Variants in FBXL5 observed in about 807,000 individuals in gnomAD.
The protein encoded by FBXL5 is F-box and leucine rich repeat protein 5.
In FBXL5, 26 loss-of-function variants were observed where a neutral mutation model predicts 78.3. The ratio of observed to expected loss-of-function variants is 0.33; its 90% CI spans 0.24 to 0.46. The LOEUF (loss-of-function observed/expected upper bound fraction) is 0.46, where lower values mean the gene tolerates loss of function less well. Among genes scored for constraint, FBXL5 ranks in the 20% least tolerant of loss-of-function variants. The probability of loss-of-function intolerance (pLI) is 1.00; values close to 1 mark genes in which losing one functional copy is unlikely to be tolerated. For missense variants in FBXL5, 710 were observed against 829.2 expected (o/e 0.86, Z 1.77); for synonymous variants, 295 against 282.5 (o/e 1.04, Z -0.45).
At chr4:15,617,331 CAGG>C (rs948125031) in intron 9 of FBXL5, among the ~76,000 whole-genome samples, 1 of 151,942 alleles carries the variant, frequency 6.6e-6, no homozygotes, top group Admixed American at 6.6e-5. Context: ...TGCCTGAGCT[CAGG>C]AGTTCTGGAC....
intron 9 of FBXL5, among the ~76,000 whole-genome samples, chr4:15,622,335 T>C (rs1406996636): frequency 1.3e-5 from 2 of 152,244 alleles, no homozygotes; most frequent in African/African-American, 4.8e-5. Context: ...GTACTTACTG[T>C]AACTGGTTGA....
intron 5 of FBXL5, among the ~76,000 whole-genome samples, chr4:15,634,529 G>A (rs1306612481): frequency 1.3e-5 from 2 of 151,918 alleles, no homozygotes; most frequent in Non-Finnish European, 2.9e-5. Flanking sequence ...ACCACACCTG[G>A]CTAATTTTTG....
chr4:15,628,460 C>T (rs1418357811), intron 6 of FBXL5, among the ~76,000 whole-genome samples: 3 of 152,086 alleles, frequency 2.0e-5, no homozygotes, highest in Non-Finnish European at 4.4e-5. Flanking sequence ...ATGTTTACAA[C>T]AGAATGTACT....
chr4:15,659,760 A>C, upstream of FBXL5: 1 of 984,366 alleles, frequency 1.0e-6, no homozygotes, highest in Non-Finnish European at 1.2e-6. Context: ...AATATTGCCA[A>C]GTGAACACCA....
chr4:15,618,739 G>A (rs1432511910), intron 9 of FBXL5, among the ~76,000 whole-genome samples: 2 of 152,102 alleles, frequency 1.3e-5, no homozygotes, highest in Non-Finnish European at 1.5e-5. Flanking sequence ...CTACTTGGGA[G>A]GGTGAGACAG....
rs1184702196 is a variant in FBXL5, at chr4:15,636,607, C to T, written c.653G>A (p.Ser218Asn). ...LPPEVMLSIF[S>N]YLNPQELCRC... is the part of the protein sequence containing the mutation. Reference sequence around the variant, plus strand: ...ACATAACTCTTGAGGATTAAGATAGCTGAAAATTGACAGCATTACCTCAGG... The same window carrying T: ...ACATAACTCTTGAGGATTAAGATAGTTGAAAATTGACAGCATTACCTCAGG... The change falls in exon 5 of 11, where the codon AGC (serine) becomes AAC (asparagine). Residue 218 changes from serine (S) to asparagine (N), a missense_variant. Physicochemically the swap from Ser to Asn is conservative, Grantham distance 46 (BLOSUM62 1). This residue lies in a region of FBXL5 where 517 missense variants were observed against 542.9 expected (regional missense o/e 0.95). Transcript: ENST00000341285. The T allele has an allele frequency of 6.2e-7, 1 of 1,613,950 alleles. No individual in the cohort carries two copies. The highest frequency in any genetic ancestry group is 8.5e-7 in the Non-Finnish European group (1 of 1,179,918).
intron 9 of FBXL5, among the ~76,000 whole-genome samples, chr4:15,615,013 C>A (rs1010664773): frequency 6.6e-6 from 1 of 152,172 alleles, no homozygotes; most frequent in Non-Finnish European, 1.5e-5. Flanking sequence ...TCAGAGCAGC[C>A]GGCCAGCCCT....
intron 10 of FBXL5, among the ~76,000 whole-genome samples, chr4:15,611,055 C>G (rs1418823781): frequency 6.6e-6 from 1 of 152,102 alleles, no homozygotes; most frequent in Non-Finnish European, 1.5e-5. Context: ...CATTCACTTT[C>G]ACCAACTACG....
chr4:15,680,044 AGTAT>A (rs1244418138), intron 1 of FBXL5, among the ~76,000 whole-genome samples: 4 of 152,148 alleles, frequency 2.6e-5, no homozygotes, highest in African/African-American at 4.8e-5. Flanking sequence ...TACAAAATGG[AGTAT>A]GTGACAGGAA....
chr4:15,621,860 G>A (rs1477784968), intron 9 of FBXL5, among the ~76,000 whole-genome samples: 5 of 152,230 alleles, frequency 3.3e-5, no homozygotes, highest in South Asian at 2.1e-4. Context: ...ACAGGGTCTG[G>A]CTTTGTTACC....
At chr4:15,660,775 A>C (rs1717268695), upstream of FBXL5, among the ~76,000 whole-genome samples, 1 of 152,214 alleles carries the variant, frequency 6.6e-6, no homozygotes, top group South Asian at 2.1e-4. Flanking sequence ...AGTCATCCAG[A>C]TAAGTCAGTC....
Position 15,612,317 on chromosome 4 carries a change from C to T in FBXL5, c.1948G>A (p.Ala650Thr). Reference protein sequence around the residue: ...TGAGLQDLVSACPSLNDEYFY... With the variant: ...TGAGLQDLVSTCPSLNDEYFY... Reference sequence around the variant, plus strand: ...TATTCATCATTCAGAGAAGGACATGCTGAAACCAAATCCTGCAGGCCTGCA... The same window carrying T: ...TATTCATCATTCAGAGAAGGACATGTTGAAACCAAATCCTGCAGGCCTGCA... The change falls in exon 10 of 11, where the codon GCA becomes ACA. Residue 650 changes from alanine to threonine, a missense_variant. Ala to Thr is a moderately conservative substitution (Grantham distance 58, BLOSUM62 0). Coordinates refer to ENST00000341285, the MANE Select transcript of FBXL5 (RefSeq NM_012161.4). 2 of 1,612,344 alleles carry T rather than the reference C, an allele frequency of 1.2e-6. No homozygotes were observed. The highest frequency in any genetic ancestry group is 1.7e-5 in the Admixed American group (1 of 59,708).
chr4:15,652,644 A>C (rs1032192854), intron 1 of FBXL5, among the ~76,000 whole-genome samples: 2 of 152,192 alleles, frequency 1.3e-5, no homozygotes, highest in African/African-American at 4.8e-5. Flanking sequence ...GTAGACTAAC[A>C]TAACTTTGGA....
chr4:15,607,454 A>C (rs1024732881), intron 10 of FBXL5, among the ~76,000 whole-genome samples: 1 of 152,228 alleles, frequency 6.6e-6, no homozygotes, highest in Non-Finnish European at 1.5e-5. Context: ...TTAAAATAAG[A>C]AACAATGTTA....
At chr4:15,615,162 T>C (rs971322666) in intron 9 of FBXL5, among the ~76,000 whole-genome samples, 1 of 152,142 alleles carries the variant, frequency 6.6e-6, no homozygotes. Context: ...GGGGCAGGGC[T>C]CGGGACCTGC....
chr4:15,663,753 G>A (rs1055904660), upstream of FBXL5, among the ~76,000 whole-genome samples: 14 of 152,126 alleles, frequency 9.2e-5, no homozygotes, highest in Admixed American at 9.2e-4. Flanking sequence ...AACACTAGGT[G>A]ACTATCATTT....
At chr4:15,606,301 G>T (rs1201071311) in intron 10 of FBXL5, among the ~76,000 whole-genome samples, 2 of 151,968 alleles carry the variant, frequency 1.3e-5, no homozygotes, top group Non-Finnish European at 2.9e-5. Flanking sequence ...TTTTTATTTA[G>T]TATTTGTAGC....
chr4:15,637,545 AAATAT>A (rs1714411932), intron 4 of FBXL5, among the ~76,000 whole-genome samples: 1 of 152,192 alleles, frequency 6.6e-6, no homozygotes, highest in Admixed American at 6.5e-5. Context: ...CAAATATTTT[AAATAT>A]AATACAGCTA....
intron 1 of FBXL5, among the ~76,000 whole-genome samples, chr4:15,653,868 G>A (rs559446913): frequency 2.6e-5 from 4 of 152,164 alleles, no homozygotes; most frequent in Non-Finnish European, 5.9e-5. Context: ...CCTGATGTCT[G>A]GGTGAAATCC....
Sources: allele counts gnomAD v4.1 joint callset (sites outside exome capture counted in the v4.1 genomes callset), GRCh38; gene constraint gnomAD v4.1.1; regional missense constraint gnomAD v4.1.1; transcripts MANE v1.5; gene names NCBI Gene and HGNC (gene_info 2026-07-23, HGNC 2026-07-21).